TOM1: variants seen among roughly 807,000 people sequenced by gnomAD.
TOM1 encodes the protein target of myb1 membrane trafficking protein.
A neutral mutation model predicts 61.3 loss-of-function variants in TOM1; 38 were observed. The observed-to-expected ratio is 0.62, with a 90% CI of 0.48 to 0.81. The LOEUF (loss-of-function observed/expected upper bound fraction) is 0.81. Ranked by LOEUF, TOM1 falls within the 40% of genes least tolerant of loss-of-function variation. TOM1 has a pLI of 0.00. For missense variants in TOM1, 591 were observed against 659.6 expected, an observed-to-expected ratio of 0.90 and a Z score of 1.14; for synonymous variants, 270 against 268.8, an observed-to-expected ratio of 1.00 and a Z score of -0.04.
intron 11 of TOM1, among the ~76,000 whole-genome samples, chr22:35,338,021 T>C (rs910470603): frequency 2.0e-5 from 3 of 152,174 alleles, no homozygotes; most frequent in Admixed American, 1.3e-4. Context: ...AGACTTAACC[T>C]CACACACAAC....
chr22:35,322,700 C>T (rs1927908006), intron 3 of TOM1: 1 of 271,050 alleles, frequency 3.7e-6, no homozygotes, highest in Non-Finnish European at 6.9e-6. Flanking sequence ...TCAGATGCTC[C>T]TTGATTTCCT....
At chr22:35,335,791 G>C (rs1286708728) in intron 11 of TOM1, 1 of 154,912 alleles carries the variant, frequency 6.5e-6, no homozygotes, top group Non-Finnish European at 1.5e-5. Context: ...TGTCCTGGAG[G>C]GGGCACCAGG....
rs35352978 is a variant in TOM1, at chr22:35,330,383, G to A, written c.802G>A (p.Val268Ile). 591 of 1,613,440 alleles carry A rather than the reference G, an allele frequency of 3.7e-4. 5 individuals carry two copies. The African/African-American group carries it at 5.5e-3, about 15-fold the overall frequency. ...NRTCRAMQQR[V>I]LELIPQIANE... ...CACGTGCCGAGCCATGCAGCAGCGGGTCCTGGAGCTCATCCCTCAGATCGC... is the reference window on the plus strand; with the variant it reads ...CACGTGCCGAGCCATGCAGCAGCGGATCCTGGAGCTCATCCCTCAGATCGC... The change falls in exon 8 of 15, where the codon GTC becomes ATC. Residue 268 changes from valine to isoleucine, a missense_variant. Val to Ile is a conservative substitution (Grantham distance 29). Transcript: ENST00000449058.
At chr22:35,320,381 T>C (rs1200493516) in intron 2 of TOM1, among the ~76,000 whole-genome samples, 1 of 152,096 alleles carries the variant, frequency 6.6e-6, no homozygotes, top group Non-Finnish European at 1.5e-5. Context: ...GGGTGGAGGA[T>C]GGTGGGAATC....
At chr22:35,320,783 A>G (rs889049300) in intron 2 of TOM1, among the ~76,000 whole-genome samples, 2 of 152,098 alleles carry the variant, frequency 1.3e-5, no homozygotes, top group Non-Finnish European at 2.9e-5. Context: ...CTGTGTCCCC[A>G]GCACCTAGCA....
At chr22:35,315,458 G>A (rs948474559) in intron 1 of TOM1, among the ~76,000 whole-genome samples, 1 of 152,176 alleles carries the variant, frequency 6.6e-6, no homozygotes, top group Non-Finnish European at 1.5e-5. Context: ...GGCCCGCTCT[G>A]TTCTTCCCAG....
chr22:35,329,813 G>A (rs78771622), intron 7 of TOM1, among the ~76,000 whole-genome samples: 10,085 of 152,214 alleles, frequency 0.066, 381 homozygotes, highest in Non-Finnish European at 0.082. Flanking sequence ...CAGCACAGTT[G>A]GACATGTTGA....
In TOM1 at chr22:35,334,461, G is replaced by A. The variant is rs1313258546; in HGVS notation, c.1148+13G>A. ...ACCAACGGAAAGAGTGAGTGGCCTG[G>A]CCCTGCCCTGGTCCCCTGCAGTTCG... On this transcript the variant is annotated intron_variant, in intron 11 of 14. Transcript: ENST00000449058. The A allele has an allele frequency of 1.9e-6, 3 of 1,613,668 alleles. No homozygotes were observed. In the East Asian group the frequency reaches 6.7e-5, roughly 36 times the overall value.
chr22:35,314,192 G>A (rs1214820678), intron 1 of TOM1, among the ~76,000 whole-genome samples: 2 of 148,610 alleles, frequency 1.3e-5, no homozygotes, highest in African/African-American at 4.9e-5. Flanking sequence ...ACCTAGAAGG[G>A]GTTGGCAAGT....
At chr22:35,328,863 C>T (rs1928569396) in intron 7 of TOM1, among the ~76,000 whole-genome samples, 2 of 152,228 alleles carry the variant, frequency 1.3e-5, no homozygotes, top group African/African-American at 4.8e-5. Flanking sequence ...ACCCAGGCAC[C>T]TGCCGTGACC....
At chr22:35,322,237 C>T in intron 3 of TOM1, 200 bp downstream of exon 3, 1 of 579,698 alleles carries the variant, frequency 1.7e-6, no homozygotes, top group Non-Finnish European at 3.1e-6. Flanking sequence ...CTCCCCAATC[C>T]CCCAGCATGG....
chr22:35,326,303 T>A (rs1169379736), intron 6 of TOM1, among the ~76,000 whole-genome samples: 1 of 152,222 alleles, frequency 6.6e-6, no homozygotes, highest in Non-Finnish European at 1.5e-5. Context: ...TTCAGACTGA[T>A]CTTTTCCCAG....
chr22:35,343,467 C>G (rs1313355121), intron 12 of TOM1, among the ~76,000 whole-genome samples: 1 of 146,028 alleles, frequency 6.8e-6, no homozygotes, highest in Non-Finnish European at 1.5e-5. Context: ...CACACACATT[C>G]ATACACCTAC....
At chr22:35,334,732 A>G (rs1929145550) in intron 11 of TOM1, among the ~76,000 whole-genome samples, 1 of 152,158 alleles carries the variant, frequency 6.6e-6, no homozygotes, top group South Asian at 2.1e-4. Context: ...TGAGGCACAG[A>G]GAGGGGCAGG....
At chr22:35,338,901 C>T in intron 12 of TOM1, 113 bp downstream of exon 12, 1 of 997,126 alleles carries the variant, frequency 1.0e-6, no homozygotes. Flanking sequence ...TCCACAGGCC[C>T]TTCCTCGTTT....
At chr22:35,322,945 A>G (rs1288813911) in intron 3 of TOM1, 83 bp from the exon 4 acceptor site, 5 of 1,535,768 alleles carry the variant, frequency 3.3e-6, no homozygotes, top group Non-Finnish European at 3.5e-6. Flanking sequence ...TCTCTGGGAC[A>G]CAGGAGGAGC....
chr22:35,329,996 T>C (rs1425663411), intron 7 of TOM1, among the ~76,000 whole-genome samples: 1 of 152,148 alleles, frequency 6.6e-6, no homozygotes, highest in Admixed American at 6.5e-5. Flanking sequence ...ATGGCCTCAC[T>C]TGGCCAGGCG....
Position 35,347,106 on chromosome 22 carries a change from A to T in TOM1, c.1376A>T (p.Asn459Ile). 1 of 1,612,194 alleles carries T rather than the reference A, an allele frequency of 6.2e-7. No homozygotes were observed. Among genetic ancestry groups the T allele is most frequent in the Non-Finnish European group, 8.5e-7 (1 of 1,179,078 alleles). ...GCCAAAGCCGCGGACCGATTGCCCA[A>T]CCTCTCCAGCCCCTCAGCTGAGGGG... ...ERAKAADRLP[N>I]LSSPSAEGPP... The change falls in exon 15 of 15, where the codon AAC becomes ATC. Residue 459 changes from asparagine (N) to isoleucine (I), a missense_variant. Physicochemically the swap from Asn to Ile is moderately radical, Grantham distance 149. Transcript: ENST00000449058.
intron 1 of TOM1, among the ~76,000 whole-genome samples, chr22:35,301,276 AT>A (rs1925756985): frequency 6.6e-6 from 1 of 151,386 alleles, no homozygotes; most frequent in South Asian, 2.1e-4. Context: ...ATATATAAAA[AT>A]ATACACATAC....
Sources: allele counts gnomAD v4.1 joint callset (sites outside exome capture counted in the v4.1 genomes callset), GRCh38; gene constraint gnomAD v4.1.1; transcripts MANE v1.5; gene names NCBI Gene and HGNC (gene_info 2026-07-23, HGNC 2026-07-21).